Variants in MMD2 observed in about 807,000 individuals in gnomAD.
The protein encoded by MMD2 is monocyte to macrophage differentiation factor 2.
MMD2 carries 30 observed loss-of-function variants against 33.5 expected under a neutral mutation model. The observed-to-expected ratio is 0.90, with a 90% CI of 0.67 to 1.22. The LOEUF (loss-of-function observed/expected upper bound fraction) is 1.22. Ranked by LOEUF, MMD2 falls within the 50% of genes most tolerant of loss-of-function variation. MMD2 has a pLI of 0.00. For synonymous variants in MMD2, 129 were observed against 123.0 expected, an observed-to-expected ratio of 1.05 and a Z score of -0.32; for missense variants, 364 against 325.4, an observed-to-expected ratio of 1.12 and a Z score of -0.91.
At chr7:4,895,682 G>A in the MMD2 span, among the ~76,000 whole-genome samples, 10 of 152,150 alleles carry the variant, frequency 6.6e-5, no homozygotes, top group South Asian at 4.2e-4. Flanking sequence ...GATAATAGGC[G>A]CGCACCACCA....
intron 1 of MMD2, among the ~76,000 whole-genome samples, chr7:4,929,402 A>G (rs1785514707): frequency 6.6e-6 from 1 of 152,048 alleles, no homozygotes; most frequent in Non-Finnish European, 1.5e-5. Context: ...TGGGGACCCC[A>G]TTGAAGCCCC....
Position 4,911,171 on chromosome 7 carries a change from G to A in MMD2, c.441C>T (p.Thr147=). The change falls in exon 5 of 7, where the codon ACC becomes ACT. Residue 147 remains threonine (T), a synonymous_variant. Transcript: ENST00000401401. ...WLVWIMASVG[T]IYVFFFHERY... is the part of the protein sequence containing the mutation. ...GCTCATGGAAGAAGAAGACATAGATGGTGCCCACGGAAGCCATAATCCAGA... is the reference window on the plus strand; with the variant it reads ...GCTCATGGAAGAAGAAGACATAGATAGTGCCCACGGAAGCCATAATCCAGA... The A allele has an allele frequency of 6.3e-7, 1 of 1,594,058 alleles. No individual in the cohort carries two copies. The highest frequency in any genetic ancestry group is 2.3e-5 in the East Asian group (1 of 43,886).
intron 1 of MMD2, among the ~76,000 whole-genome samples, chr7:4,933,413 G>T (rs1785647488): frequency 6.6e-6 from 1 of 152,024 alleles, no homozygotes; most frequent in Admixed American, 6.6e-5. Flanking sequence ...AAAGAAAATG[G>T]CCCCTCCTAA....
At chr7:4,897,500 A>G in the MMD2 span, among the ~76,000 whole-genome samples, 1,393 of 152,328 alleles carry the variant, frequency 9.1e-3, 58 homozygotes, top group Admixed American at 0.076. Context: ...GTGAATATGA[A>G]AGACAATCAT....
At chr7:4,917,672 A>T (rs530893253) in intron 3 of MMD2, among the ~76,000 whole-genome samples, 17 of 152,178 alleles carry the variant, frequency 1.1e-4, no homozygotes, top group African/African-American at 4.1e-4. Flanking sequence ...AGCTTGGGCA[A>T]CAAGAGTGAA....
chr7:4,950,757 A>G (rs1786220806), intron 1 of MMD2, among the ~76,000 whole-genome samples: 1 of 146,448 alleles, frequency 6.8e-6, no homozygotes, highest in South Asian at 2.2e-4. Context: ...GTCGCCCAGC[A>G]GGCTAGAGTG....
intron 4 of MMD2, among the ~76,000 whole-genome samples, chr7:4,915,005 G>C (rs113990126): frequency 6.6e-6 from 1 of 152,158 alleles, no homozygotes; most frequent in African/African-American, 2.4e-5. Flanking sequence ...CATTGCAATG[G>C]CTCACGCCTG....
chr7:4,951,942 A>T (rs1224674339), intron 1 of MMD2, among the ~76,000 whole-genome samples: 1 of 151,806 alleles, frequency 6.6e-6, no homozygotes, highest in Non-Finnish European at 1.5e-5. Context: ...TCACCATGTT[A>T]TCCAGGTTGG....
In MMD2 at chr7:4,959,152, C is replaced by CCGGAGT. The variant is rs1171396334; in HGVS notation, c.-136_-135insACTCCG. 11 of 621,182 alleles carry CCGGAGT rather than the reference C, an allele frequency of 1.8e-5. No individual in the cohort carries two copies. The highest frequency in any genetic ancestry group is 1.8e-4 in the African/African-American group (9 of 51,148). 38.5% of individuals were successfully genotyped at this position (621,182 alleles called of 1,614,324 possible). ...AAGGGGACCTGGTCGGCGCCCGGAGCCGGAGCCGGAGCCCGAGCCGGAGCT... is the reference window on the plus strand; with the variant it reads ...AAGGGGACCTGGTCGGCGCCCGGAGCCGGAGTCGGAGCCGGAGCCCGAGCCGGAGCT... On this transcript the variant is annotated 5_prime_UTR_variant, in exon 1 of 7. Coordinates refer to ENST00000401401, the MANE Select transcript of MMD2 (RefSeq NM_198403.4).
intron 1 of MMD2, among the ~76,000 whole-genome samples, chr7:4,927,976 G>A (rs1785477171): frequency 6.6e-6 from 1 of 152,112 alleles, no homozygotes; most frequent in African/African-American, 2.4e-5. Context: ...AGTCAGTCTG[G>A]GAAGACAGAC....
chr7:4,942,042 C>T (rs1187515962), intron 1 of MMD2, among the ~76,000 whole-genome samples: 2 of 152,060 alleles, frequency 1.3e-5, no homozygotes, highest in Non-Finnish European at 2.9e-5. Flanking sequence ...CAGCCTCCAC[C>T]TCCTGGGTTC....
intron 6 of MMD2, among the ~76,000 whole-genome samples, chr7:4,908,635 C>G (rs562641672): frequency 3.2e-4 from 49 of 151,838 alleles, no homozygotes; most frequent in Non-Finnish European, 5.6e-4. Context: ...CACGGTGGCT[C>G]ACGCCTATAA....
intron 5 of MMD2, among the ~76,000 whole-genome samples, chr7:4,910,254 G>A (rs1784973008): frequency 6.6e-6 from 1 of 152,104 alleles, no homozygotes; most frequent in Middle Eastern, 3.2e-3. Flanking sequence ...CACTTCCGAT[G>A]CTCAGCCCAT....
chr7:4,937,133 C>T (rs940354172), intron 1 of MMD2, among the ~76,000 whole-genome samples: 1 of 151,500 alleles, frequency 6.6e-6, no homozygotes, highest in South Asian at 2.1e-4. Flanking sequence ...CATGGTGGCT[C>T]ATGCCTGCAA....
chr7:4,915,538 G>A (rs905311466), intron 4 of MMD2, among the ~76,000 whole-genome samples: 3 of 151,866 alleles, frequency 2.0e-5, no homozygotes, highest in Admixed American at 6.6e-5. Context: ...TTAGGAGTTC[G>A]AGAGCAGCCT....
Position 4,909,432 on chromosome 7 carries a change from C to CA in MMD2, c.537+448dup, listed in dbSNP as rs398066566. Among the ~76,000 whole-genome samples, 1,097 of 133,452 alleles carry CA rather than the reference C, an allele frequency of 8.2e-3. 19 individuals carry two copies. Among genetic ancestry groups the CA allele is most frequent in the South Asian group, 0.056 (231 of 4,130 alleles). 87.5% of individuals were successfully genotyped at this position (133,452 alleles called of 152,430 possible). On this transcript the variant is annotated intron_variant, in intron 6 of 6. Transcript: ENST00000401401. ...GCAGCACAGGGAGATCCTGCCTCTA[C>CA]AAAAAAAAAAAAAAGAATTGTTTTT...
chr7:4,898,475 G>T, the MMD2 span, among the ~76,000 whole-genome samples: 14 of 152,234 alleles, frequency 9.2e-5, no homozygotes, highest in Admixed American at 9.2e-4. Context: ...TTGAAACAAT[G>T]ACATAAGATG....
In MMD2 at chr7:4,920,089, T is replaced by C. The variant is rs1182435946; in HGVS notation, c.290+82A>G. The C allele has an allele frequency of 2.1e-6, 3 of 1,437,486 alleles. No homozygotes were observed. The South Asian group carries it at 3.8e-5, about 18-fold the overall frequency. 89.0% of individuals were successfully genotyped at this position (1,437,486 alleles called of 1,614,324 possible). A position where few individuals can be genotyped will look rare whatever the true frequency, so the allele number is the denominator to read the frequency against. ...AGAATGTCACCAGGCAGACCGGATATCCTGGTTCACCCCCCGGGCTGCCAT... is the reference window on the plus strand; with the variant it reads ...AGAATGTCACCAGGCAGACCGGATACCCTGGTTCACCCCCCGGGCTGCCAT... On this transcript the variant is annotated intron_variant, in intron 3 of 6. Transcript: ENST00000401401.
At chr7:4,954,507 C>T (rs543256834) in intron 1 of MMD2, among the ~76,000 whole-genome samples, 2 of 151,856 alleles carry the variant, frequency 1.3e-5, no homozygotes, top group East Asian at 3.9e-4. Flanking sequence ...CAGCCTCGAT[C>T]CCCAGGCTCA....
Sources: allele counts gnomAD v4.1 joint callset (sites outside exome capture counted in the v4.1 genomes callset), GRCh38; gene constraint gnomAD v4.1.1; transcripts MANE v1.5; gene names NCBI Gene and HGNC (gene_info 2026-07-23, HGNC 2026-07-21).